BDP1: variants seen among roughly 807,000 people sequenced by gnomAD.
BDP1 encodes the protein BDP1 general transcription factor IIIB subunit.
In BDP1, 169 loss-of-function variants were observed where a neutral mutation model predicts 266.6. That is an observed-to-expected ratio of 0.63 (90% CI 0.56 to 0.72). The LOEUF is 0.72. Among genes scored for constraint, BDP1 ranks in the 30% least tolerant of loss-of-function variants. The pLI is 0.00. For synonymous variants in BDP1, 1,090 were observed against 1,022.4 expected, an observed-to-expected ratio of 1.07 and a Z score of -1.26; for missense variants, 3,015 against 3,053.8, an observed-to-expected ratio of 0.99 and a Z score of 0.30.
intron 7 of BDP1, among the ~76,000 whole-genome samples, chr5:71,475,500 T>G (rs779602381): frequency 5.9e-5 from 9 of 152,198 alleles, no homozygotes; most frequent in Non-Finnish European, 1.3e-4. Flanking sequence ...AAACTCAGTT[T>G]TACTCCAGGC....
At chr5:71,519,242 C>T (rs1206574789) in intron 22 of BDP1, among the ~76,000 whole-genome samples, 1 of 152,002 alleles carries the variant, frequency 6.6e-6, no homozygotes, top group African/African-American at 2.4e-5. Flanking sequence ...TATTTTGATA[C>T]ATTATACACA....
chr5:71,515,518 CAAATCTAAAA>C (rs1765170786), intron 20 of BDP1, among the ~76,000 whole-genome samples: 1 of 151,960 alleles, frequency 6.6e-6, no homozygotes, highest in African/African-American at 2.4e-5. Flanking sequence ...CAAATATTTC[CAAATCTAAAA>C]AAATCTGAAA....
At chr5:71,526,304 A>G (rs922322658) in intron 25 of BDP1, among the ~76,000 whole-genome samples, 2 of 146,198 alleles carry the variant, frequency 1.4e-5, no homozygotes, top group Non-Finnish European at 3.0e-5. Flanking sequence ...TAGAGAAGCT[A>G]GAAGGGACAT....
intron 35 of BDP1, among the ~76,000 whole-genome samples, chr5:71,555,442 CTTT>C (rs780342284): frequency 1.4e-5 from 2 of 139,694 alleles, no homozygotes; most frequent in Non-Finnish European, 1.6e-5. Flanking sequence ...TTTCTTTATT[CTTT>C]TTTTTTTTTT....
rs763230992 is a variant in BDP1 at position 71,548,675 on chromosome 5, A to T, written c.6745-7A>T. 6.3e-7 allele frequency: 1 copy of T among 1,588,564 alleles called. No homozygotes were observed. The highest frequency in any genetic ancestry group is 2.2e-5 in the East Asian group (1 of 44,656). On this transcript the variant is annotated splice_region_variant and splice_polypyrimidine_tract_variant and intron_variant, in intron 32 of 38. Coordinates refer to ENST00000358731, the MANE Select transcript of BDP1 (RefSeq NM_018429.3). ...CCTGACTCTTTCATTTTAATTTTTT[A>T]TGGCAGTATACACCAACAAGTATTC...
At position 71,461,981 on chromosome 5, in the gene BDP1, G is replaced by C. The variant is rs1475671476; in HGVS notation, c.599+55G>C. The C allele has an allele frequency of 4.6e-6, 3 of 657,720 alleles. No homozygotes were observed. In the African/African-American group the frequency reaches 9.1e-5, roughly 20 times the overall value. 40.7% of individuals were successfully genotyped at this position (657,720 alleles called of 1,614,324 possible). The stretch of plus-strand genomic sequence containing the variant: ...CTCTTTTTTTTTTTTTTTTTTTTTG[G>C]AGGTGGAGTCTCGCTCTGTCACCCG... On this transcript the variant is annotated intron_variant, in intron 3 of 38. Transcript: ENST00000358731.
chr5:71,473,853 C>T (rs755733872), intron 7 of BDP1, among the ~76,000 whole-genome samples: 19 of 148,872 alleles, frequency 1.3e-4, no homozygotes, highest in African/African-American at 4.2e-4. Flanking sequence ...CAACAGGCCC[C>T]GGTGTGTGAT....
At chr5:71,466,470 C>G (rs555403474) in intron 5 of BDP1, among the ~76,000 whole-genome samples, 5 of 152,138 alleles carry the variant, frequency 3.3e-5, no homozygotes, top group Admixed American at 1.3e-4. Flanking sequence ...ATTATCTTTA[C>G]TGGTCATTGA....
chr5:71,488,201 C>G (rs1431760022), intron 9 of BDP1, among the ~76,000 whole-genome samples: 1 of 152,068 alleles, frequency 6.6e-6, no homozygotes, highest in South Asian at 2.1e-4. Context: ...TCTCGGCTCA[C>G]TGAATCCTTC....
chr5:71,519,617 A>G (rs544416151), intron 22 of BDP1, among the ~76,000 whole-genome samples: 6 of 152,328 alleles, frequency 3.9e-5, no homozygotes, highest in African/African-American at 1.4e-4. Context: ...AGTTCCATCT[A>G]TGTCACTGTG....
intron 3 of BDP1, 96 bp from the exon 4 acceptor site, chr5:71,463,962 A>T (rs1761730685): frequency 7.0e-6 from 5 of 718,816 alleles, no homozygotes; most frequent in Non-Finnish European, 1.1e-5. Context: ...ATCATTAAAA[A>T]TTAGAAGTTA....
chr5:71,483,572 T>G (rs1300543923), intron 7 of BDP1, among the ~76,000 whole-genome samples: 1 of 152,252 alleles, frequency 6.6e-6, no homozygotes, highest in Non-Finnish European at 1.5e-5. Flanking sequence ...TGCTTTCATG[T>G]TTGTTGACTT....
chr5:71,576,487 T>G, the BDP1 span, among the ~76,000 whole-genome samples: 1 of 152,246 alleles, frequency 6.6e-6, no homozygotes, highest in Non-Finnish European at 1.5e-5. Context: ...GTTATATTAA[T>G]GTAACCGGTG....
chr5:71,524,659 T>A (rs1765686956), intron 25 of BDP1, among the ~76,000 whole-genome samples: 1 of 149,826 alleles, frequency 6.7e-6, no homozygotes, highest in Non-Finnish European at 1.5e-5. Context: ...TTTTTATTGA[T>A]CATTCTTGGG....
intron 2 of BDP1, among the ~76,000 whole-genome samples, chr5:71,460,875 TAAA>T (rs35478361): frequency 2.0e-5 from 3 of 151,226 alleles, no homozygotes; most frequent in African/African-American, 7.3e-5. Flanking sequence ...CACTACAGGG[TAAA>T]AAAAAAGCTG....
chr5:71,511,732 C>G (rs1022008458), intron 17 of BDP1, among the ~76,000 whole-genome samples: 1 of 152,002 alleles, frequency 6.6e-6, no homozygotes, highest in Non-Finnish European at 1.5e-5. Context: ...GGGCAAGGAT[C>G]AAACTTTTCT....
chr5:71,568,000 A>G (rs1744128071), downstream of BDP1, among the ~76,000 whole-genome samples: 1 of 151,942 alleles, frequency 6.6e-6, no homozygotes, highest in African/African-American at 2.4e-5. Context: ...AAATCAGCCA[A>G]CTGTGGTGGT....
chr5:71,573,213 AC>A, the BDP1 span, among the ~76,000 whole-genome samples: 1 of 149,338 alleles, frequency 6.7e-6, no homozygotes, highest in Non-Finnish European at 1.5e-5. Context: ...GGGTGACAGA[AC>A]GAGACTCTGT....
intron 36 of BDP1, among the ~76,000 whole-genome samples, chr5:71,558,423 T>C (rs1743380727): frequency 6.6e-6 from 1 of 151,980 alleles, no homozygotes; most frequent in Non-Finnish European, 1.5e-5. Flanking sequence ...TTTGGGAGGC[T>C]GAGGCAGGAG....
Sources: allele counts gnomAD v4.1 joint callset (sites outside exome capture counted in the v4.1 genomes callset), GRCh38; gene constraint gnomAD v4.1.1; transcripts MANE v1.5; gene names NCBI Gene and HGNC (gene_info 2026-07-23, HGNC 2026-07-21).